ANKRD36: variants seen among roughly 807,000 people sequenced by gnomAD.
ANKRD36 encodes the protein ankyrin repeat domain 36, also known as ankyrin repeat domain-containing protein 36A.
ANKRD36 carries 179 observed loss-of-function variants against 278.1 expected under a neutral mutation model. The observed-to-expected ratio is 0.64, with a 90% CI of 0.57 to 0.73. The LOEUF is 0.73. Ranked by LOEUF, ANKRD36 falls within the 30% of genes least tolerant of loss-of-function variation. The pLI, the probability that ANKRD36 is intolerant of heterozygous loss-of-function variation, is 0.00. For missense variants in ANKRD36, 1,159 were observed against 1,956.7 expected (o/e 0.59, Z 7.69); for synonymous variants, 320 against 641.1 (o/e 0.50, Z 7.57).
chr2:97,210,644 T>G (rs2064212375), intron 56 of ANKRD36, among the ~76,000 whole-genome samples: 1 of 151,830 alleles, frequency 6.6e-6, no homozygotes. Context: ...TTGGATGAAA[T>G]AGCTATTTAA....
intron 5 of ANKRD36, among the ~76,000 whole-genome samples, chr2:97,125,632 C>G (rs1276040779): frequency 6.6e-6 from 1 of 151,220 alleles, no homozygotes; most frequent in Non-Finnish European, 1.5e-5. Flanking sequence ...GAGCTTTTCT[C>G]AGGTAGTGGA....
At chr2:97,165,117 A>G (rs142694109) in intron 20 of ANKRD36, among the ~76,000 whole-genome samples, 2,368 of 152,326 alleles carry the variant, frequency 0.016, 8 homozygotes, top group Non-Finnish European at 0.026. Flanking sequence ...TTTTACTTTT[A>G]AGTCACTGCA....
intron 24 of ANKRD36, among the ~76,000 whole-genome samples, chr2:97,180,868 T>A (rs1404245155): frequency 6.6e-6 from 1 of 151,736 alleles, no homozygotes; most frequent in Non-Finnish European, 1.5e-5. Context: ...TAATATCTAA[T>A]GCTTGTAGCA....
At chr2:97,127,387 TAAG>T (rs1430639584) in intron 6 of ANKRD36, among the ~76,000 whole-genome samples, 1 of 151,926 alleles carries the variant, frequency 6.6e-6, no homozygotes, top group East Asian at 1.9e-4. Flanking sequence ...TTTGTGTAAA[TAAG>T]AAAACAAATT....
intron 66 of ANKRD36, among the ~76,000 whole-genome samples, chr2:97,220,756 A>T (rs1047453739): frequency 0.018 from 1,158 of 64,062 alleles, 1 homozygote; most frequent in Middle Eastern, 0.049. Flanking sequence ...TTAATTTTTA[A>T]TTTTCTTTTT....
In ANKRD36 at chr2:97,217,176, G is replaced by A. The variant is rs1231080746; in HGVS notation, c.3674-1G>A. The A allele has an allele frequency of 2.6e-6, 4 of 1,548,160 alleles. No individual in the cohort carries two copies. The highest frequency in any genetic ancestry group is 2.5e-5 in the East Asian group (1 of 40,384). ...AATTATATATTTCTTTTACTTTTCAGTGTCTCCTCAGAAACAATCGGCCCA... is the reference window on the plus strand; with the variant it reads ...AATTATATATTTCTTTTACTTTTCAATGTCTCCTCAGAAACAATCGGCCCA... On this transcript the variant is annotated splice_acceptor_variant, in intron 62 of 75. Transcript: ENST00000420699. LOFTEE classifies it high-confidence loss of function.
chr2:97,202,120 G>C, intron 46 of ANKRD36, 82 bp from the exon 47 acceptor site: 1 of 1,591,946 alleles, frequency 6.3e-7, no homozygotes, highest in Non-Finnish European at 8.5e-7. Flanking sequence ...GAGGACAGAG[G>C]TTGATTCTAA....
intron 22 of ANKRD36, among the ~76,000 whole-genome samples, chr2:97,173,793 A>G (rs914283936): frequency 1.1e-4 from 17 of 151,682 alleles, no homozygotes; most frequent in African/African-American, 3.9e-4. Context: ...GATGAGGGTA[A>G]CCCACAGGGT....
At chr2:97,177,922 T>A (rs533935818) in intron 22 of ANKRD36, among the ~76,000 whole-genome samples, 41 of 150,428 alleles carry the variant, frequency 2.7e-4, no homozygotes, top group Middle Eastern at 3.5e-3. Context: ...TTTTGCAACC[T>A]ACTCATCTGA....
At chr2:97,222,338 T>C (rs1223490228) in intron 66 of ANKRD36, among the ~76,000 whole-genome samples, 2 of 152,110 alleles carry the variant, frequency 1.3e-5, no homozygotes, top group African/African-American at 4.8e-5. Context: ...TTTTGAATCG[T>C]TACCTAGCAA....
chr2:97,200,966 T>G (rs2061217029), intron 46 of ANKRD36, among the ~76,000 whole-genome samples: 1 of 151,884 alleles, frequency 6.6e-6, no homozygotes, highest in African/African-American at 2.4e-5. Flanking sequence ...AGCAATTATT[T>G]TCTGAATGAA....
rs761286422 is a variant in ANKRD36, at chr2:97,124,516, T to C, written c.650T>C (p.Leu217Pro). Residue 217 changes from leucine (L) to proline (P), a missense_variant, in exon 5 of 76, where the codon CTG (leucine) becomes CCG (proline). Coordinates refer to ENST00000420699, the MANE Select transcript of ANKRD36 (RefSeq NM_001354587.1). ...GAAAAAGATATAGTCATTCTTCTTC[T>C]GCAGCACAATATTGATGTGCTTTCT... ...LGEKDIVILL[L>P]QHNIDVLSRD... The C allele has an allele frequency of 3.2e-6, 5 of 1,552,916 alleles. No homozygotes were observed. The Admixed American group carries it at 9.8e-5, about 30-fold the overall frequency.
At chr2:97,228,434 G>A (rs1163650087) in intron 67 of ANKRD36, among the ~76,000 whole-genome samples, 1 of 152,100 alleles carries the variant, frequency 6.6e-6, no homozygotes, top group Non-Finnish European at 1.5e-5. Flanking sequence ...AGAGGTGTTT[G>A]TAGTATTCTC....
At position 97,199,035 on chromosome 2, in the gene ANKRD36, G is replaced by C. The variant is rs1330018037; in HGVS notation, c.2755+377G>C. The stretch of plus-strand genomic sequence containing the variant: ...TCGCACTGCCAAGAAAAGACAGAAA[G>C]CTTGTTGTAACAACCCGTAGACACT... On this transcript the variant is annotated intron_variant, in intron 44 of 75. Coordinates refer to ENST00000420699, the MANE Select transcript of ANKRD36 (RefSeq NM_001354587.1). Among the ~76,000 whole-genome samples the C allele has an allele frequency of 5.3e-5, 8 of 152,010 alleles. No homozygotes were observed. The East Asian group carries it at 1.6e-3, about 30-fold the overall frequency.
chr2:97,153,111 C>A (rs2046511293), intron 14 of ANKRD36, among the ~76,000 whole-genome samples: 1 of 152,300 alleles, frequency 6.6e-6, no homozygotes, highest in African/African-American at 2.4e-5. Flanking sequence ...TATTATCTTA[C>A]TGTGCTTGGA....
At chr2:97,174,494 A>T (rs573230399) in intron 22 of ANKRD36, among the ~76,000 whole-genome samples, 1 of 151,860 alleles carries the variant, frequency 6.6e-6, no homozygotes, top group Admixed American at 6.6e-5. Context: ...AAACGTGAAT[A>T]TGCATACATT....
intron 17 of ANKRD36, among the ~76,000 whole-genome samples, 165 bp downstream of exon 17, chr2:97,158,820 T>A (rs752195548): frequency 6.6e-6 from 1 of 152,048 alleles, no homozygotes; most frequent in Non-Finnish European, 1.5e-5. Flanking sequence ...CCTGTCTTTA[T>A]AACGATGACA....
intron 67 of ANKRD36, among the ~76,000 whole-genome samples, chr2:97,231,430 C>T (rs1042196399): frequency 3.9e-5 from 6 of 152,164 alleles, no homozygotes; most frequent in Non-Finnish European, 7.3e-5. Flanking sequence ...GCGCAGGACC[C>T]TCTGAGCCAG....
intron 67 of ANKRD36, among the ~76,000 whole-genome samples, chr2:97,226,503 T>G (rs2069686052): frequency 1.3e-5 from 2 of 151,088 alleles, no homozygotes; most frequent in African/African-American, 4.9e-5. Context: ...TTGTTTGGGT[T>G]CATTGTAGAT....
Sources: gnomAD v4.1 joint callset for allele counts (sites outside exome capture counted in the v4.1 genomes callset) on GRCh38, gnomAD v4.1.1 for gene constraint, MANE v1.5 for transcripts, NCBI Gene and HGNC (gene_info 2026-07-23, HGNC 2026-07-21) for gene names.